Variants in RECQL4 observed in about 807,000 individuals in gnomAD.
RECQL4 encodes RecQ like helicase 4, also known as ATP-dependent DNA helicase Q4.
RECQL4 carries 158 observed loss-of-function variants against 128.6 expected under a neutral mutation model. The ratio of observed to expected loss-of-function variants is 1.23; its 90% CI spans 1.08 to 1.40. The LOEUF (loss-of-function observed/expected upper bound fraction) is 1.40, where lower values mean the gene tolerates loss of function less well. Ranked by LOEUF, RECQL4 falls within the 40% of genes most tolerant of loss-of-function variation. The pLI, the probability that RECQL4 is intolerant of heterozygous loss-of-function variation, is 0.00. For synonymous variants in RECQL4, 996 were observed against 678.9 expected, an observed-to-expected ratio of 1.47 and a Z score of -7.26; for missense variants, 2,293 against 1,649.8, an observed-to-expected ratio of 1.39 and a Z score of -6.75.
chr8:144,511,689 T>C lies in RECQL4; in HGVS notation c.3494A>G (p.His1165Arg). ...FSSRAVARIFHGIGSPCYPAQ... is the reference protein window; with the variant it reads ...FSSRAVARIFRGIGSPCYPAQ... The stretch of plus-strand genomic sequence containing the variant: ...GGCCTCCCAGGCCTCACCGATGCCG[T>C]GGAAGATGCGGGCCACAGCCCTGCT... The change falls in exon 20 of 21, where the codon CAC becomes CGC. Residue 1165 changes from histidine (H) to arginine (R), a missense_variant. Transcript: ENST00000617875. 1 of 1,612,338 alleles carries C rather than the reference T, an allele frequency of 6.2e-7. No homozygotes were observed. Among genetic ancestry groups the C allele is most frequent in the South Asian group, 1.1e-5 (1 of 91,084 alleles).
In RECQL4 at chr8:144,514,225, G is replaced by T. The variant is rs1371858622; in HGVS notation, c.1842C>A (p.Ser614=). The stretch of plus-strand genomic sequence containing the variant: ...GCAGGTAGCAGGGCCGGAAGTTGTG[G>T]GACCACTGGGAGAGGCAGTGGGCCT... ...IDEAHCLSQW[S]HNFRPCYLRV... The change falls in exon 11 of 21, where the codon TCC becomes TCA. Residue 614 remains serine, a synonymous_variant. Transcript: ENST00000617875. 1 of 1,612,304 alleles carries T rather than the reference G, an allele frequency of 6.2e-7. No homozygotes were observed. Among genetic ancestry groups the T allele is most frequent in the Non-Finnish European group, 8.5e-7 (1 of 1,179,722 alleles).
intron 9 of RECQL4, 125 bp from the exon 10 acceptor site, chr8:144,514,650 C>T (rs916521039): frequency 3.7e-6 from 4 of 1,090,814 alleles, no homozygotes; most frequent in South Asian, 1.6e-5. Context: ...GTCCTGGGTC[C>T]TAGGGCTAAG....
At position 144,513,634 on chromosome 8, in the gene RECQL4, T is replaced by C. The variant is rs760077772; in HGVS notation, c.2137A>G (p.Thr713Ala). The part of the protein sequence containing the change: ...IIIYCNRRED[T>A]ERIAALLRTC... ...CGGAGGAGCGCAGCGATCCGCTCTG[T>C]GTCCTCGCGCCGGTTGCAGTAAATG... The change falls in exon 13 of 21, where the codon ACA (threonine) becomes GCA (alanine). Residue 713 changes from threonine to alanine, a missense_variant. By Grantham distance (58) the Thr-to-Ala change is moderately conservative (BLOSUM62 0). Transcript: ENST00000617875. The C allele has an allele frequency of 3.8e-6, 6 of 1,595,268 alleles. No homozygotes were observed. Among genetic ancestry groups the C allele is most frequent in the Admixed American group, 1.8e-5 (1 of 56,822 alleles).
intron 20 of RECQL4, 34 bp from the exon 21 acceptor site, chr8:144,511,589 A>T: frequency 1.2e-6 from 2 of 1,608,162 alleles, no homozygotes; most frequent in Non-Finnish European, 1.7e-6. Flanking sequence ...CGTGAGCCCC[A>T]GCCCCAGCCT....
chr8:144,514,538 G>A lies in RECQL4; in HGVS notation c.1621-13C>T, dbSNP rs756795278. 9.9e-6 allele frequency: 16 copies of A among 1,608,938 alleles called. No individual in the cohort carries two copies. Among genetic ancestry groups the A allele is most frequent in the Non-Finnish European group, 1.3e-5 (15 of 1,178,300 alleles). The stretch of plus-strand genomic sequence containing the variant: ...GCAGGCCAGACACCTGCAAATGCAG[G>A]AGCGACAGCCGTCATACGCCAGCCC... On this transcript the variant is annotated splice_polypyrimidine_tract_variant and intron_variant, in intron 9 of 20. Coordinates refer to ENST00000617875, the MANE Select transcript of RECQL4 (RefSeq NM_004260.4).
chr8:144,517,817 G>A lies in RECQL4; in HGVS notation c.-33C>T. 8.4e-7 allele frequency: 1 copy of A among 1,194,404 alleles called. No homozygotes were observed. The highest frequency in any genetic ancestry group is 1.0e-6 in the Non-Finnish European group (1 of 962,148). The allele number at this position is 1,194,404 out of a possible 1,614,324, so 74.0% of individuals were successfully genotyped here. On this transcript the variant is annotated 5_prime_UTR_variant, in exon 1 of 21. Coordinates refer to ENST00000617875, the MANE Select transcript of RECQL4 (RefSeq NM_004260.4). The stretch of plus-strand genomic sequence containing the variant: ...GCGCCCGCCCGGCCTCCGCGCTTGC[G>A]ATCGTCCAGCGAATCTCCCGCGCAG...
rs181159329 is a variant in RECQL4 at position 144,513,898 on chromosome 8, C to T, written c.2058+30G>A. Reference sequence around the variant, plus strand: ...GCGTGGGCAGTCAGCAGCCAGGGCCCTGCAGGGTCCCCAGAGCACACACAC... The same window carrying T: ...GCGTGGGCAGTCAGCAGCCAGGGCCTTGCAGGGTCCCCAGAGCACACACAC... On this transcript the variant is annotated intron_variant, in intron 12 of 20. Coordinates refer to ENST00000617875, the MANE Select transcript of RECQL4 (RefSeq NM_004260.4). 1,151 of 1,397,034 alleles carry T rather than the reference C, an allele frequency of 8.2e-4. 3 individuals carry two copies. Among genetic ancestry groups the T allele is most frequent in the Middle Eastern group, 2.2e-3 (9 of 4,110 alleles). The allele number at this position is 1,397,034 out of a possible 1,614,324, so 86.5% of individuals were successfully genotyped here.
rs1422371025 is a variant in RECQL4, at chr8:144,512,000, C to T, written c.3304G>A (p.Asp1102Asn). Residue 1102 changes from aspartate (D) to asparagine (N), a missense_variant, in exon 19 of 21, where the codon GAC becomes AAC. By Grantham distance (23) the Asp-to-Asn change is conservative. Coordinates refer to ENST00000617875, the MANE Select transcript of RECQL4 (RefSeq NM_004260.4). ...TCCTCAAAGTAGCGGCCGAGCAGGT[C>T]CTTGAGCCTGGTGCTGCGCTCCTCA... ...QDEERSTRLK[D>N]LLGRYFEEEE... The T allele has an allele frequency of 1.9e-6, 3 of 1,610,104 alleles. No homozygotes were observed. The Middle Eastern group carries it at 5.0e-4, about 266-fold the overall frequency.
chr8:144,515,002 G>C lies in RECQL4; in HGVS notation c.1554C>G (p.Leu518=). 6.2e-7 allele frequency: 1 copy of C among 1,611,308 alleles called. No individual in the cohort carries two copies. The highest frequency in any genetic ancestry group is 8.5e-7 in the Non-Finnish European group (1 of 1,179,400). ...TGAGGCAGGGGCTGCGCCGGCTGTA[G>C]AGCAGCGCTGGGAGCTGGTAGCACA... The part of the protein sequence containing the change: ...KSLCYQLPAL[L]YSRRSPCLTL... The change falls in exon 9 of 21, where the codon CTC becomes CTG. Residue 518 remains leucine (L), a synonymous_variant. Coordinates refer to ENST00000617875, the MANE Select transcript of RECQL4 (RefSeq NM_004260.4).
At chr8:144,516,929 A>G in intron 4 of RECQL4, 121 bp downstream of exon 4, 2 of 1,443,980 alleles carry the variant, frequency 1.4e-6, no homozygotes, top group South Asian at 2.8e-5. Flanking sequence ...CTCCCTGAAG[A>G]CTCGTGCCCT....
At position 144,512,922 on chromosome 8, in the gene RECQL4, T is replaced by C; in HGVS notation, c.2680A>G (p.Arg894Gly). The C allele has an allele frequency of 6.3e-7, 1 of 1,582,256 alleles. No homozygotes were observed. Among genetic ancestry groups the C allele is most frequent in the South Asian group, 1.1e-5 (1 of 87,080 alleles). Residue 894 changes from arginine to glycine, a missense_variant, in exon 15 of 21, where the codon AGA becomes GGA. Transcript: ENST00000617875. ...CGCTCATGGCCCATGCAGACCCTTC[T>C]GGGTCCTGGGGCTGCTTGGTGGCTA... ...QLSHQAAPGP[R>G]RVCMGHERAL... is the part of the protein sequence containing the mutation.
intron 2 of RECQL4, 21 bp from the exon 3 acceptor site, chr8:144,517,529 C>CG (rs1189197859): frequency 5.1e-6 from 8 of 1,569,686 alleles, no homozygotes; most frequent in Non-Finnish European, 6.9e-6. Flanking sequence ...GAGCGGGAGG[C>CG]GGGGTCAGGG....
rs1814985856 is a variant in RECQL4 at position 144,516,348 on chromosome 8, A to G, written c.771T>C (p.Ser257=). The G allele has an allele frequency of 1.9e-6, 3 of 1,609,792 alleles. No individual in the cohort carries two copies. Among genetic ancestry groups the G allele is most frequent in the Non-Finnish European group, 2.5e-6 (3 of 1,179,570 alleles). The change falls in exon 5 of 21, where the codon AGT becomes AGC. Residue 257 remains serine (S), a synonymous_variant. Coordinates refer to ENST00000617875, the MANE Select transcript of RECQL4 (RefSeq NM_004260.4). ...CGTTCCATCTCCGCTTCTCGCCTCC[A>G]CTGCTGCTGGGCTGGGGGCTCCCCA... is the stretch of plus-strand genomic sequence containing the variant. The part of the protein sequence containing the change: ...IRVGSPQPSS[S]GGEKRRWNEE...
rs1815454531 is a variant in RECQL4 at position 144,517,787 on chromosome 8, C to A, written c.-3G>T. 8.2e-7 allele frequency: 1 copy of A among 1,224,816 alleles called. No individual in the cohort carries two copies. The allele number at this position is 1,224,816 out of a possible 1,614,324, so 75.9% of individuals were successfully genotyped here. ...CGCACGTCCCGCAGCCGCTCCATGG[C>A]GCGCGCGCCCGCCCGGCCTCCGCGC... On this transcript the variant is annotated 5_prime_UTR_variant, in exon 1 of 21. Coordinates refer to ENST00000617875, the MANE Select transcript of RECQL4 (RefSeq NM_004260.4).
intron 4 of RECQL4, 79 bp downstream of exon 4, chr8:144,516,971 G>A (rs1815190181): frequency 3.9e-6 from 6 of 1,538,382 alleles, no homozygotes; most frequent in South Asian, 3.7e-5. Flanking sequence ...CTGTCTGTGT[G>A]GAAAAAATGA....
chr8:144,515,287 C>G, intron 7 of RECQL4, 39 bp downstream of exon 7: 1 of 1,610,754 alleles, frequency 6.2e-7, no homozygotes, highest in Non-Finnish European at 8.5e-7. Flanking sequence ...TCACCCCAAC[C>G]CCTCAGTGAA....
Position 144,511,793 on chromosome 8 carries a change from T to C in RECQL4, c.3394-4A>G, listed in dbSNP as rs777542762. 6.2e-7 allele frequency: 1 copy of C among 1,612,408 alleles called. No individual in the cohort carries two copies. The stretch of plus-strand genomic sequence containing the variant: ...CCTGGTCCTCCCAATCCTGGAGCTG[T>C]GTGGACAGGCACATCAGGCTTCCTC... On this transcript the variant is annotated splice_region_variant and splice_polypyrimidine_tract_variant and intron_variant, in intron 19 of 20. Coordinates refer to ENST00000617875, the MANE Select transcript of RECQL4 (RefSeq NM_004260.4).
chr8:144,517,022 G>A (rs888760052), intron 4 of RECQL4, 28 bp downstream of exon 4: 1 of 1,600,402 alleles, frequency 6.2e-7, no homozygotes, highest in Admixed American at 1.7e-5. Context: ...TGGACCTAGC[G>A]TGGACTCACT....
In RECQL4 at chr8:144,514,030, C is replaced by G; in HGVS notation, c.1956G>C (p.Val652=). 6.3e-7 allele frequency: 1 copy of G among 1,575,212 alleles called. No homozygotes were observed. The highest frequency in any genetic ancestry group is 8.6e-7 in the Non-Finnish European group (1 of 1,161,436). Residue 652 remains valine (V), a synonymous_variant, in exon 12 of 21, where the codon GTG becomes GTC. Transcript: ENST00000617875. ...CTTCAGCCACAGCCAGGTGCTGTGC[C>G]ACGTCACTGGCAGTGCGGCGTGTGG... is the stretch of plus-strand genomic sequence containing the variant. The part of the protein sequence containing the change: ...ATATRRTASD[V]AQHLAVAEEP...
Sources: gnomAD v4.1 joint callset for allele counts on GRCh38, gnomAD v4.1.1 for gene constraint, MANE v1.5 for transcripts, NCBI Gene and HGNC (gene_info 2026-07-23, HGNC 2026-07-21) for gene names.